Variants in TMTC4 observed in about 807,000 individuals in gnomAD.
TMTC4 encodes the protein protein O-mannosyl-transferase TMTC4.
Under a neutral mutation model 86.0 loss-of-function variants are expected in TMTC4, and 65 were observed. That is an observed-to-expected ratio of 0.76 (90% confidence interval 0.62 to 0.93). TMTC4 has a LOEUF of 0.93. Among genes scored for constraint, TMTC4 ranks in the 40% least tolerant of loss-of-function variants. TMTC4 has a pLI of 0.00. For synonymous variants in TMTC4, 379 were observed against 382.5 expected (o/e 0.99, Z 0.11); for missense variants, 866 against 948.1 (o/e 0.91, Z 1.14).
At chr13:100,654,248 T>C (rs192711540) in intron 6 of TMTC4, among the ~76,000 whole-genome samples, 132 of 152,326 alleles carry the variant, frequency 8.7e-4, no homozygotes, top group Non-Finnish European at 1.3e-4. Context: ...AATGCAAAAA[T>C]GCCCAGGTTA....
intron 6 of TMTC4, among the ~76,000 whole-genome samples, chr13:100,650,980 T>A (rs570052430): frequency 6.6e-6 from 1 of 152,320 alleles, no homozygotes; most frequent in East Asian, 1.9e-4. Context: ...TATACAGCTA[T>A]AGAACTACAC....
At chr13:100,630,425 C>A (rs980083853) in intron 12 of TMTC4, among the ~76,000 whole-genome samples, 1 of 152,186 alleles carries the variant, frequency 6.6e-6, no homozygotes, top group Admixed American at 6.5e-5. Context: ...AAGCTTTCTG[C>A]ATCAAATTAT....
intron 6 of TMTC4, among the ~76,000 whole-genome samples, chr13:100,644,267 C>G (rs1883427988): frequency 6.6e-6 from 1 of 151,960 alleles, no homozygotes; most frequent in Non-Finnish European, 1.5e-5. Context: ...CCATGCCCAG[C>G]TAATTTTTTG....
chr13:100,674,665 G>A, intron 1 of TMTC4, 79 bp downstream of exon 1: 1 of 982,898 alleles, frequency 1.0e-6, no homozygotes, highest in Non-Finnish European at 1.2e-6. Context: ...GCGGCAGCGG[G>A]GAACCCGCGC....
intron 12 of TMTC4, among the ~76,000 whole-genome samples, chr13:100,628,241 T>C (rs1880837577): frequency 6.6e-6 from 1 of 152,216 alleles, no homozygotes; most frequent in Non-Finnish European, 1.5e-5. Context: ...CCATTCATTT[T>C]CCGTCTCTAT....
At chr13:100,657,983 C>CCA (rs1368465647) in intron 5 of TMTC4, among the ~76,000 whole-genome samples, 2 of 151,888 alleles carry the variant, frequency 1.3e-5, no homozygotes, top group Admixed American at 6.6e-5. Context: ...CCAGTGAACA[C>CCA]CACACACACA....
At chr13:100,648,801 T>A (rs1283401259) in intron 6 of TMTC4, among the ~76,000 whole-genome samples, 2 of 152,168 alleles carry the variant, frequency 1.3e-5, no homozygotes, top group Admixed American at 1.3e-4. Context: ...GGCCTCAGCC[T>A]CCCGAATAGC....
chr13:100,648,219 A>T (rs941238477), intron 6 of TMTC4, among the ~76,000 whole-genome samples: 1 of 151,870 alleles, frequency 6.6e-6, no homozygotes, highest in East Asian at 1.9e-4. Context: ...TAGACCCACC[A>T]CTCTCCAAGA....
At chr13:100,626,610 A>G (rs937490140) in intron 12 of TMTC4, among the ~76,000 whole-genome samples, 13 of 152,060 alleles carry the variant, frequency 8.5e-5, no homozygotes, top group African/African-American at 2.7e-4. Context: ...ACAGGCATAC[A>G]CCACCACACC....
intron 5 of TMTC4, among the ~76,000 whole-genome samples, chr13:100,659,229 G>A (rs529301131): frequency 2.0e-5 from 3 of 152,238 alleles, no homozygotes; most frequent in East Asian, 1.9e-4. Flanking sequence ...GTTAACGTCT[G>A]GGTTCATTAG....
At chr13:100,649,577 A>G (rs948576623) in intron 6 of TMTC4, among the ~76,000 whole-genome samples, 1 of 152,150 alleles carries the variant, frequency 6.6e-6, no homozygotes, top group Non-Finnish European at 1.5e-5. Flanking sequence ...ATTTATTTCT[A>G]TGTCTATCAG....
rs1342362635 is a variant in TMTC4, at chr13:100,625,571, C to T, written c.1800G>A (p.Arg600=). The change falls in exon 15 of 19, where the codon AGG becomes AGA. Residue 600 remains arginine (R), a synonymous_variant. Transcript: ENST00000342624. ...QSYRTAIKHR[R]KYPDCYYNLG... ...GGTTGTAGTAACAGTCTGGGTATTT[C>T]CTTCTGTGTTTAATTGCTGTCCGGT... The T allele has an allele frequency of 1.9e-6, 3 of 1,614,234 alleles. No individual in the cohort carries two copies. Among genetic ancestry groups the T allele is most frequent in the Non-Finnish European group, 2.5e-6 (3 of 1,180,040 alleles).
chr13:100,628,783 C>T (rs1555342227), intron 12 of TMTC4, among the ~76,000 whole-genome samples: 1 of 152,034 alleles, frequency 6.6e-6, no homozygotes, highest in African/African-American at 2.4e-5. Flanking sequence ...GAATAAATGA[C>T]AAAGAAAAAA....
intron 3 of TMTC4, chr13:100,668,259 C>A: frequency 5.2e-6 from 1 of 190,732 alleles, no homozygotes. Context: ...TTTGCAAAAT[C>A]TGGAATACTA....
At chr13:100,675,003 C>T (rs543362934), upstream of TMTC4, 91 of 985,600 alleles carry the variant, frequency 9.2e-5, no homozygotes, top group African/African-American at 1.4e-3. Flanking sequence ...CATTGGCGGA[C>T]GCGCCGGTGA....
intron 7 of TMTC4, among the ~76,000 whole-genome samples, chr13:100,639,891 G>T (rs865826768): frequency 1.1e-4 from 16 of 152,182 alleles, no homozygotes; most frequent in African/African-American, 3.4e-4. Flanking sequence ...AGTAAGCTGA[G>T]ATTGCACCAC....
chr13:100,636,447 A>T (rs571717437), intron 10 of TMTC4, 85 bp downstream of exon 10: 1 of 1,503,272 alleles, frequency 6.7e-7, no homozygotes, highest in Admixed American at 1.8e-5. Context: ...ACTTCCACAA[A>T]ATCATAAAAA....
At chr13:100,653,138 G>A (rs1884657078) in intron 6 of TMTC4, among the ~76,000 whole-genome samples, 1 of 152,136 alleles carries the variant, frequency 6.6e-6, no homozygotes, top group African/African-American at 2.4e-5. Context: ...AGTACCCTAC[G>A]AACTGAACTG....
chr13:100,637,456 T>C, intron 9 of TMTC4, 82 bp downstream of exon 9: 1 of 1,507,162 alleles, frequency 6.6e-7, no homozygotes, highest in Non-Finnish European at 8.9e-7. Flanking sequence ...TGCAGAGGAG[T>C]GAGACGAGGA....
Sources: allele counts gnomAD v4.1 joint callset (sites outside exome capture counted in the v4.1 genomes callset), GRCh38; gene constraint gnomAD v4.1.1; transcripts MANE v1.5; gene names NCBI Gene and HGNC (gene_info 2026-07-23, HGNC 2026-07-21).